The following SYT9 variants were observed in gnomAD, a reference collection of about 807,000 sequenced individuals.
SYT9 encodes the protein synaptotagmin 9, also known as synaptotagmin-9.
In SYT9, 22 loss-of-function variants were observed where a neutral mutation model predicts 48.4. The observed-to-expected ratio is 0.45, with a 90% CI of 0.32 to 0.65. The LOEUF (loss-of-function observed/expected upper bound fraction) is 0.65, where lower values mean the gene tolerates loss of function less well. Ranked by LOEUF, SYT9 falls within the 30% of genes least tolerant of loss-of-function variation. SYT9 has a pLI of 0.03. For missense variants in SYT9, 577 were observed against 622.0 expected, an observed-to-expected ratio of 0.93 and a Z score of 0.77; for synonymous variants, 265 against 245.0, an observed-to-expected ratio of 1.08 and a Z score of -0.76.
chr11:7,263,734 G>T, intron 1 of SYT9, among the ~76,000 whole-genome samples: 1 of 151,958 alleles, frequency 6.6e-6, no homozygotes, highest in South Asian at 2.1e-4. Flanking sequence ...TAACATGAAG[G>T]CTAATTGGTG....
chr11:7,286,969 T>C (rs1406634566), intron 1 of SYT9, among the ~76,000 whole-genome samples: 4 of 152,234 alleles, frequency 2.6e-5, no homozygotes, highest in African/African-American at 9.6e-5. Flanking sequence ...AACTGCTGCC[T>C]GTTACCCAGT....
intron 3 of SYT9, among the ~76,000 whole-genome samples, chr11:7,334,176 G>C (rs1200575912): frequency 1.3e-5 from 2 of 152,192 alleles, no homozygotes; most frequent in Middle Eastern, 3.2e-3. Context: ...AAAGTGCAGG[G>C]TGGTTAAAGA....
intron 1 of SYT9, among the ~76,000 whole-genome samples, chr11:7,301,911 G>A (rs1221000949): frequency 6.6e-6 from 1 of 152,208 alleles, no homozygotes; most frequent in Non-Finnish European, 1.5e-5. Context: ...CCTGGAGGGG[G>A]TGAAATGTTT....
At chr11:7,335,662 A>T (rs1219829494) in intron 3 of SYT9, among the ~76,000 whole-genome samples, 3 of 151,986 alleles carry the variant, frequency 2.0e-5, no homozygotes, top group Admixed American at 1.3e-4. Flanking sequence ...TTTTTTATGG[A>T]TGCATAGTAG....
chr11:7,257,370 A>G (rs1038850285), intron 1 of SYT9, among the ~76,000 whole-genome samples: 1 of 152,106 alleles, frequency 6.6e-6, no homozygotes, highest in African/African-American at 2.4e-5. Context: ...ATGTCCACCA[A>G]TCTGAGAGGG....
At chr11:7,337,324 T>C (rs1849646514) in intron 3 of SYT9, among the ~76,000 whole-genome samples, 1 of 152,176 alleles carries the variant, frequency 6.6e-6, no homozygotes, top group Non-Finnish European at 1.5e-5. Flanking sequence ...TCTTCCTATT[T>C]GGATGTGCTT....
intron 2 of SYT9, among the ~76,000 whole-genome samples, chr11:7,303,762 G>T (rs1439768799): frequency 6.6e-6 from 1 of 152,134 alleles, no homozygotes; most frequent in East Asian, 1.9e-4. Context: ...CCCAGGTCAG[G>T]ATTTGAACCC....
chr11:7,457,565 T>C (rs1304631943), intron 6 of SYT9: 2 of 152,232 alleles, frequency 1.3e-5, no homozygotes, highest in Non-Finnish European at 2.9e-5. Flanking sequence ...AAGTTTTACT[T>C]ACTGATTTCT....
At chr11:7,315,907 C>G (rs1162584000) in intron 3 of SYT9, among the ~76,000 whole-genome samples, 1 of 152,338 alleles carries the variant, frequency 6.6e-6, no homozygotes, top group African/African-American at 2.4e-5. Flanking sequence ...CTTCAGATTT[C>G]TCAGTTGTTT....
chr11:7,426,224 C>A (rs1847455051), intron 6 of SYT9, among the ~76,000 whole-genome samples: 2 of 151,990 alleles, frequency 1.3e-5, no homozygotes, highest in South Asian at 4.2e-4. Context: ...TATTGTTCTG[C>A]TTGTCTTTGG....
intron 3 of SYT9, among the ~76,000 whole-genome samples, chr11:7,359,767 G>C (rs1402736212): frequency 2.6e-4 from 35 of 136,502 alleles, no homozygotes; most frequent in African/African-American, 5.6e-4. Context: ...TGTCAGATGA[G>C]TAGGTTGCGA....
At position 7,420,626 on chromosome 11, in the gene SYT9, C is replaced by T. The variant is rs1266155058; in HGVS notation, c.1458C>T (p.Ser486=). ...GGAAGCCCATTGCACACTGGCATTC[C>T]CTGGTGGAGGTAAGACCCTAATCCA... ...YPRKPIAHWH[S]LVEKR is the part of the protein sequence containing the mutation. The change falls in exon 6 of 7, where the codon TCC becomes TCT. Residue 486 remains serine, a synonymous_variant. Coordinates refer to ENST00000318881, the MANE Select transcript of SYT9 (RefSeq NM_175733.4). 1.9e-6 allele frequency: 3 copies of T among 1,613,996 alleles called. No individual in the cohort carries two copies. The African/African-American group carries it at 4.0e-5, about 22-fold the overall frequency.
intron 1 of SYT9, among the ~76,000 whole-genome samples, chr11:7,301,731 A>G (rs1008291777): frequency 1.3e-5 from 2 of 152,210 alleles, no homozygotes; most frequent in African/African-American, 4.8e-5. Context: ...AATGATGGGC[A>G]GTAGAGGCAA....
intron 6 of SYT9, among the ~76,000 whole-genome samples, chr11:7,426,923 C>G (rs542928157): frequency 2.6e-5 from 4 of 152,272 alleles, no homozygotes; most frequent in South Asian, 4.1e-4. Context: ...CTACATGTAA[C>G]ATGAAATAAG....
chr11:7,434,510 T>C (rs1847666325), intron 6 of SYT9, among the ~76,000 whole-genome samples: 3 of 152,146 alleles, frequency 2.0e-5, no homozygotes, highest in African/African-American at 4.8e-5. Flanking sequence ...GCAGTCTGGA[T>C]CAGCCTGGTG....
In SYT9 at chr11:7,313,409, G is replaced by A. The variant is rs773098666; in HGVS notation, c.512G>A (p.Arg171Gln). The change falls in exon 3 of 7, where the codon CGA becomes CAA. Residue 171 changes from arginine to glutamine, a missense_variant. Coordinates refer to ENST00000318881, the MANE Select transcript of SYT9 (RefSeq NM_175733.4). ...PTSSARHNSI[R>Q]RQLNLSNPDF... ...CTTCATTCAAGGCATAATTCAATCC[G>A]AAGACAACTCAACTTGTCAAACCCG... is the stretch of plus-strand genomic sequence containing the variant. 9.9e-6 allele frequency: 16 copies of A among 1,610,952 alleles called. No individual in the cohort carries two copies. The highest frequency in any genetic ancestry group is 4.5e-5 in the East Asian group (2 of 44,886).
At chr11:7,327,921 G>T (rs1175476973) in intron 3 of SYT9, among the ~76,000 whole-genome samples, 1 of 96,944 alleles carries the variant, frequency 1.0e-5, no homozygotes, top group African/African-American at 4.0e-5. Context: ...GGGGACTGTG[G>T]TGGGGAGGGG....
intron 3 of SYT9, among the ~76,000 whole-genome samples, chr11:7,356,877 C>T (rs1452945077): frequency 1.3e-5 from 2 of 152,128 alleles, no homozygotes; most frequent in African/African-American, 4.8e-5. Flanking sequence ...TGCTATGTTC[C>T]AGGTTCCCTA....
In SYT9 at chr11:7,432,594, T is replaced by A. The variant is rs1276904099; in HGVS notation, c.1467+11959T>A. ...AAAAAAAAAAAAAAATATATATACA[T>A]ATATATATATATATATATATATATA... On this transcript the variant is annotated intron_variant, in intron 6 of 6. Coordinates refer to ENST00000318881, the MANE Select transcript of SYT9 (RefSeq NM_175733.4). Among the ~76,000 whole-genome samples the A allele has an allele frequency of 8.7e-3, 37 of 4,236 alleles. 5 individuals carry two copies. Among genetic ancestry groups the A allele is most frequent in the South Asian group, 0.029 (2 of 68 alleles). The allele number at this position is 4,236 out of a possible 152,430, so 2.8% of individuals were successfully genotyped here.
Sources: allele counts gnomAD v4.1 joint callset (sites outside exome capture counted in the v4.1 genomes callset), GRCh38; gene constraint gnomAD v4.1.1; transcripts MANE v1.5; gene names NCBI Gene and HGNC (gene_info 2026-07-23, HGNC 2026-07-21).